Variants in MOV10L1 observed in about 807,000 individuals in gnomAD.
The protein encoded by MOV10L1 is Mov10 like RNA helicase 1, also known as RNA helicase Mov10l1.
MOV10L1 carries 110 observed loss-of-function variants against 143.8 expected under a neutral mutation model. The ratio of observed to expected loss-of-function variants is 0.76; its 90% CI spans 0.66 to 0.90. MOV10L1 has a LOEUF of 0.90. MOV10L1 is among the 40% of genes least tolerant of loss of function. The pLI, the probability that MOV10L1 is intolerant of heterozygous loss-of-function variation, is 0.00. For missense variants in MOV10L1, 1,406 were observed against 1,526.8 expected, an observed-to-expected ratio of 0.92 and a Z score of 1.32; for synonymous variants, 593 against 581.1, an observed-to-expected ratio of 1.02 and a Z score of -0.29.
chr22:50,151,808 C>CA (rs2063304165), intron 21 of MOV10L1, among the ~76,000 whole-genome samples: 1 of 152,246 alleles, frequency 6.6e-6, no homozygotes, highest in Admixed American at 6.5e-5. Flanking sequence ...ACACAGCCTT[C>CA]AGGGCAGGTG....
intron 3 of MOV10L1, among the ~76,000 whole-genome samples, chr22:50,107,390 C>A (rs574678267): frequency 6.6e-6 from 1 of 152,226 alleles, no homozygotes; most frequent in South Asian, 2.1e-4. Context: ...GTGATTTCAC[C>A]ATGGCTCACA....
intron 22 of MOV10L1, 106 bp downstream of exon 22, chr22:50,153,324 A>T: frequency 7.5e-7 from 1 of 1,328,482 alleles, no homozygotes. Flanking sequence ...GGCGGGGCAG[A>T]TGTTCTGCTG....
chr22:50,131,992 C>T lies in MOV10L1; in HGVS notation c.1911-2015C>T, dbSNP rs533560859. On this transcript the variant is annotated intron_variant, in intron 13 of 26. Coordinates refer to ENST00000262794, the MANE Select transcript of MOV10L1 (RefSeq NM_018995.3). ...GTCCTGGTGAGACTGCTTCCTGGTT[C>T]GTAGGCGGCTGTCTTTTCCCTGTGT... Among the ~76,000 whole-genome samples, 34 of 152,298 alleles carry T rather than the reference C, an allele frequency of 2.2e-4. No homozygotes were observed. The South Asian group carries it at 5.0e-3, about 22-fold the overall frequency.
chr22:50,128,909 C>T (rs2062592908), intron 13 of MOV10L1, among the ~76,000 whole-genome samples: 1 of 151,762 alleles, frequency 6.6e-6, no homozygotes, highest in Non-Finnish European at 1.5e-5. Context: ...TCAAGCGATC[C>T]TCCTGCGTCA....
chr22:50,108,539 C>A, intron 4 of MOV10L1, 118 bp from the exon 5 acceptor site: 1 of 1,101,748 alleles, frequency 9.1e-7, no homozygotes. Flanking sequence ...TACGGGATGG[C>A]GGACTTGAGC....
chr22:50,152,094 G>A lies in MOV10L1; in HGVS notation c.2893-951G>A, dbSNP rs751797350. On this transcript the variant is annotated intron_variant, in intron 21 of 26. Transcript: ENST00000262794. The surrounding 1 kb of genome is among the most constrained non-coding windows in gnomAD (Gnocchi z 4.4). ...GCTTGACAGAGTCGGGAGGACTCAC[G>A]GGGCCAATCATGGCGTTCTCGTGCC... Among the ~76,000 whole-genome samples, 3 of 152,220 alleles carry A rather than the reference G, an allele frequency of 2.0e-5. No homozygotes were observed. Among genetic ancestry groups the A allele is most frequent in the Non-Finnish European group, 4.4e-5 (3 of 68,036 alleles).
intron 15 of MOV10L1, among the ~76,000 whole-genome samples, chr22:50,141,568 G>A (rs1343077637): frequency 6.7e-6 from 1 of 149,208 alleles, no homozygotes; most frequent in Non-Finnish European, 1.5e-5. Context: ...TTAAACTCCT[G>A]GGCTCAAGTG....
At position 50,161,459 on chromosome 22, in the gene MOV10L1, G is replaced by T; in HGVS notation, c.*10G>T. On this transcript the variant is annotated 3_prime_UTR_variant, in exon 27 of 27. Coordinates refer to ENST00000262794, the MANE Select transcript of MOV10L1 (RefSeq NM_018995.3). ...TCAGGAGCCCAGCTGATCTGCAGTG[G>T]CTGACAGCAGGGAGGCCATGTGCTC... 1 of 1,575,452 alleles carries T rather than the reference G, an allele frequency of 6.3e-7. No individual in the cohort carries two copies. The highest frequency in any genetic ancestry group is 8.6e-7 in the Non-Finnish European group (1 of 1,160,264).
chr22:50,122,548 T>G (rs967373001), intron 10 of MOV10L1, among the ~76,000 whole-genome samples: 1 of 152,206 alleles, frequency 6.6e-6, no homozygotes, highest in Admixed American at 6.5e-5. Flanking sequence ...TTCCTTTTCT[T>G]GCCTAATTGC....
At chr22:50,149,368 C>T in intron 19 of MOV10L1, 1 of 507,894 alleles carries the variant, frequency 2.0e-6, no homozygotes, top group Non-Finnish European at 3.5e-6. Flanking sequence ...CCCCTTCTTC[C>T]CTCCACATCT....
chr22:50,129,803 C>G (rs2062620202), intron 13 of MOV10L1, among the ~76,000 whole-genome samples: 2 of 152,194 alleles, frequency 1.3e-5, no homozygotes, highest in Admixed American at 1.3e-4. Context: ...GGCTGAGAAT[C>G]TTCTTGTTCG....
At chr22:50,144,036 C>G (rs928364413) in intron 17 of MOV10L1, 61 bp from the exon 18 acceptor site, 20 of 1,572,180 alleles carry the variant, frequency 1.3e-5, no homozygotes, top group Non-Finnish European at 1.5e-5. Flanking sequence ...AGGTTAGACT[C>G]CTGGTTTCCA....
intron 10 of MOV10L1, among the ~76,000 whole-genome samples, chr22:50,122,873 G>A (rs13433633): frequency 0.04 from 6,115 of 151,440 alleles, 205 homozygotes; most frequent in African/African-American, 0.082. Context: ...TGACTGCAGC[G>A]GCACACCACC....
chr22:50,125,371 T>C, intron 10 of MOV10L1, 21 bp from the exon 11 acceptor site: 1 of 1,612,086 alleles, frequency 6.2e-7, no homozygotes, highest in Non-Finnish European at 8.5e-7. Flanking sequence ...GCTGACTTTA[T>C]AACATTTGGG....
At chr22:50,099,285 C>T (rs771455020) in intron 2 of MOV10L1, among the ~76,000 whole-genome samples, 158 bp from the exon 3 acceptor site, 1 of 152,218 alleles carries the variant, frequency 6.6e-6, no homozygotes, top group African/African-American at 2.4e-5. Flanking sequence ...AAGACACCGA[C>T]GGTATACCAG....
chr22:50,104,695 C>T (rs532026699), intron 3 of MOV10L1, among the ~76,000 whole-genome samples: 3 of 152,138 alleles, frequency 2.0e-5, no homozygotes, highest in Admixed American at 6.5e-5. Context: ...TATTGGTTAT[C>T]TGGACATTAT....
At chr22:50,157,812 G>A (rs2063465183) in intron 22 of MOV10L1, among the ~76,000 whole-genome samples, 2 of 149,726 alleles carry the variant, frequency 1.3e-5, no homozygotes, top group Admixed American at 6.7e-5. Flanking sequence ...CCTCCACTCC[G>A]GGGCTCAGAC....
At chr22:50,099,309 A>G in intron 2 of MOV10L1, 134 bp from the exon 3 acceptor site, 1 of 1,050,434 alleles carries the variant, frequency 9.5e-7, no homozygotes, top group Non-Finnish European at 1.4e-6. Context: ...GAAGGCCCTC[A>G]CCAGACCCGG....
At chr22:50,092,271 A>T in intron 2 of MOV10L1, 86 bp downstream of exon 2, 1 of 1,256,892 alleles carries the variant, frequency 8.0e-7, no homozygotes, top group Non-Finnish European at 1.1e-6. Context: ...ATCAGACATG[A>T]CCCGGCCAAG....
Sources: gnomAD v4.1 joint callset for allele counts (sites outside exome capture counted in the v4.1 genomes callset) on GRCh38, gnomAD v4.1.1 for gene constraint, Gnocchi (gnomAD v3.1) non-coding constraint, MANE v1.5 for transcripts, NCBI Gene and HGNC (gene_info 2026-07-23, HGNC 2026-07-21) for gene names.